Variants in SLC35F3 observed in about 807,000 individuals in gnomAD.
SLC35F3 encodes solute carrier family 35 member F3, also known as putative thiamine transporter SLC35F3.
SLC35F3 carries 25 observed loss-of-function variants against 49.9 expected under a neutral mutation model. The observed-to-expected ratio is 0.50, with a 90% CI of 0.37 to 0.70. The LOEUF (loss-of-function observed/expected upper bound fraction) is 0.70, where lower values mean the gene tolerates loss of function less well. SLC35F3 is among the 30% of genes least tolerant of loss of function. The pLI is 0.00. For missense variants in SLC35F3, 525 were observed against 639.8 expected (o/e 0.82, Z 1.94); for synonymous variants, 275 against 265.4 (o/e 1.04, Z -0.35).
chr1:234,122,035 C>T (rs1237568921), intron 2 of SLC35F3, among the ~76,000 whole-genome samples: 2 of 152,156 alleles, frequency 1.3e-5, no homozygotes. Flanking sequence ...TATATGTGTG[C>T]ATGTGTCTTT....
At chr1:233,950,478 T>C (rs1435332097) in intron 2 of SLC35F3, among the ~76,000 whole-genome samples, 1 of 146,660 alleles carries the variant, frequency 6.8e-6, no homozygotes, top group Non-Finnish European at 1.5e-5. Context: ...CCTTCCTTCC[T>C]TCCTTCCTTT....
intron 2 of SLC35F3, among the ~76,000 whole-genome samples, chr1:233,923,237 GCA>G (rs1454895321): frequency 6.6e-6 from 1 of 152,144 alleles, no homozygotes; most frequent in Non-Finnish European, 1.5e-5. Flanking sequence ...ATTACCTTGG[GCA>G]GTATGGCCAT....
chr1:234,228,051 G>A (rs946685432), intron 2 of SLC35F3, among the ~76,000 whole-genome samples: 1 of 152,196 alleles, frequency 6.6e-6, no homozygotes, highest in African/African-American at 2.4e-5. Context: ...GTTGTGGCTT[G>A]CACTTCCTTA....
intron 3 of SLC35F3, chr1:234,261,869 A>G (rs892093522): frequency 6.6e-6 from 1 of 152,232 alleles, no homozygotes; most frequent in African/African-American, 2.4e-5. Context: ...GGTGAGTGAG[A>G]AAAATGAAAG....
intron 2 of SLC35F3, among the ~76,000 whole-genome samples, chr1:234,155,330 G>GC (rs1380739003): frequency 6.6e-5 from 10 of 152,002 alleles, no homozygotes; most frequent in African/African-American, 2.2e-4. Flanking sequence ...TGGTTTCTTA[G>GC]CCCCTTCTTT....
chr1:234,170,771 A>G (rs1044608622), intron 2 of SLC35F3, among the ~76,000 whole-genome samples: 6 of 152,228 alleles, frequency 3.9e-5, no homozygotes, highest in Non-Finnish European at 8.8e-5. Flanking sequence ...GAGTTTGAGG[A>G]GCGTTCAAGG....
chr1:233,924,642 C>T lies in SLC35F3; in HGVS notation c.283+18884C>T, dbSNP rs561143930. On this transcript the variant is annotated intron_variant, in intron 2 of 7. Coordinates refer to ENST00000366618, the MANE Select transcript of SLC35F3 (RefSeq NM_173508.4). ...TGTTTCTCTATCTCCTTCAGTTCTG[C>T]TCTGATCTTAGTTATTTCTTGCCTT... Among the ~76,000 whole-genome samples the T allele has an allele frequency of 1.5e-4, 23 of 152,238 alleles. No individual in the cohort carries two copies. In the East Asian group the frequency reaches 4.4e-3, roughly 29 times the overall value.
In SLC35F3 at chr1:234,014,354, C is replaced by T. The variant is rs1467792169; in HGVS notation, c.283+108596C>T. Among the ~76,000 whole-genome samples the T allele has an allele frequency of 2.6e-5, 4 of 152,142 alleles. No homozygotes were observed. The East Asian group carries it at 5.8e-4, about 22-fold the overall frequency. On this transcript the variant is annotated intron_variant, in intron 2 of 7. Coordinates refer to ENST00000366618, the MANE Select transcript of SLC35F3 (RefSeq NM_173508.4). ...TAATCTACTTTAGCACAATAGAGGC[C>T]GTATATGAAAAACCCACAGCTAACA... is the stretch of plus-strand genomic sequence containing the variant.
chr1:234,229,002 G>A (rs1011272190), intron 2 of SLC35F3, among the ~76,000 whole-genome samples: 1 of 152,188 alleles, frequency 6.6e-6, no homozygotes, highest in African/African-American at 2.4e-5. Context: ...TGGGAGGTTT[G>A]CAATGAATGG....
rs560398221 is a variant in SLC35F3, at chr1:234,156,522, G to GTA, written c.284-74894_284-74893dup. ...GCATTGCTGATGGAAACGGAAAACGGTAAAGACACTTTGGGAAACAGTTGA... is the reference window on the plus strand; with the variant it reads ...GCATTGCTGATGGAAACGGAAAACGGTATAAAGACACTTTGGGAAACAGTTGA... On this transcript the variant is annotated intron_variant, in intron 2 of 7. Coordinates refer to ENST00000366618, the MANE Select transcript of SLC35F3 (RefSeq NM_173508.4). Among the ~76,000 whole-genome samples the GTA allele has an allele frequency of 1.1e-3, 175 of 152,234 alleles. 1 individual carries two copies. The South Asian group carries it at 0.017, about 15-fold the overall frequency.
Position 234,098,760 on chromosome 1 carries a change from CT to C in SLC35F3, c.284-132656del, listed in dbSNP as rs1281827366. Among the ~76,000 whole-genome samples, 4 of 122,418 alleles carry C rather than the reference CT, an allele frequency of 3.3e-5. No homozygotes were observed. The East Asian group carries it at 1.0e-3, about 32-fold the overall frequency. The allele number at this position is 122,418 out of a possible 152,430, so 80.3% of individuals were successfully genotyped here. A position where few individuals can be genotyped will look rare whatever the true frequency, so the allele number is the denominator to read the frequency against. On this transcript the variant is annotated intron_variant, in intron 2 of 7. Coordinates refer to ENST00000366618, the MANE Select transcript of SLC35F3 (RefSeq NM_173508.4). The stretch of plus-strand genomic sequence containing the variant: ...TGGTGTTATAGGGTGATGGTGGTGA[CT>C]GTGTTGGTGGTGGTGGTGGCAGTTC...
chr1:234,004,478 TATC>T (rs756685516), intron 2 of SLC35F3, among the ~76,000 whole-genome samples: 79 of 152,272 alleles, frequency 5.2e-4, no homozygotes, highest in Admixed American at 1.9e-3. Context: ...GACACTCAAT[TATC>T]ATAATTTTGG....
chr1:233,961,236 A>T (rs1662795841), intron 2 of SLC35F3, among the ~76,000 whole-genome samples: 1 of 151,804 alleles, frequency 6.6e-6, no homozygotes, highest in African/African-American at 2.4e-5. Context: ...ATTTTGAAAA[A>T]ACCTGTGAAG....
intron 2 of SLC35F3, among the ~76,000 whole-genome samples, chr1:234,230,118 T>C (rs1321695697): frequency 6.6e-6 from 1 of 152,198 alleles, no homozygotes; most frequent in Admixed American, 6.5e-5. Flanking sequence ...ACAATAGAGA[T>C]GGTGTGAAAC....
chr1:234,309,034 T>C, intron 3 of SLC35F3, 67 bp from the exon 4 acceptor site: 1 of 1,312,286 alleles, frequency 7.6e-7, no homozygotes, highest in Non-Finnish European at 1.1e-6. Flanking sequence ...AAAAACTTGC[T>C]ATAGGAAATA....
In SLC35F3 at chr1:234,228,541, GTC is replaced by G. The variant is rs764706893; in HGVS notation, c.284-2874_284-2873del. On this transcript the variant is annotated intron_variant, in intron 2 of 7. Coordinates refer to ENST00000366618, the MANE Select transcript of SLC35F3 (RefSeq NM_173508.4). ...GGCACATGTTTCACAGTGATTTCCT[GTC>G]TGATTGAAAGGCTCTGAGGATGCAT... Among the ~76,000 whole-genome samples, 27 of 152,318 alleles carry G rather than the reference GTC, an allele frequency of 1.8e-4. No individual in the cohort carries two copies. In the Middle Eastern group the frequency reaches 0.01, roughly 58 times the overall value.
chr1:234,219,200 T>G (rs1444488125), intron 2 of SLC35F3, among the ~76,000 whole-genome samples: 1 of 152,158 alleles, frequency 6.6e-6, no homozygotes. Context: ...TGATCTCAGC[T>G]GCCCCCAGAG....
At chr1:234,113,805 G>T (rs912379018) in intron 2 of SLC35F3, among the ~76,000 whole-genome samples, 1 of 152,234 alleles carries the variant, frequency 6.6e-6, no homozygotes, top group Non-Finnish European at 1.5e-5. Context: ...GGAGGTTGCA[G>T]CAAGCCGAGA....
intron 2 of SLC35F3, among the ~76,000 whole-genome samples, chr1:234,121,374 G>A (rs1665571207): frequency 1.3e-5 from 2 of 151,738 alleles, no homozygotes; most frequent in Non-Finnish European, 1.5e-5. Flanking sequence ...TCCTGACCTC[G>A]TGATCCGCCC....
Sources: gnomAD v4.1 joint callset for allele counts (sites outside exome capture counted in the v4.1 genomes callset) on GRCh38, gnomAD v4.1.1 for gene constraint, MANE v1.5 for transcripts, NCBI Gene and HGNC (gene_info 2026-07-23, HGNC 2026-07-21) for gene names.